The following ZNF532 variants were observed in gnomAD, a reference collection of about 807,000 sequenced individuals.
ZNF532 encodes zinc finger protein 532.
In ZNF532, 22 loss-of-function variants were observed where a neutral mutation model predicts 89.3. That is an observed-to-expected ratio of 0.25 (90% CI 0.18 to 0.35). The LOEUF (loss-of-function observed/expected upper bound fraction) is 0.35. Among genes scored for constraint, ZNF532 ranks in the 10% least tolerant of loss-of-function variants. The pLI is 1.00. For missense variants in ZNF532, 1,132 were observed against 1,643.4 expected, an observed-to-expected ratio of 0.69 and a Z score of 5.38; for synonymous variants, 606 against 649.6, an observed-to-expected ratio of 0.93 and a Z score of 1.02.
chr18:58,888,763 TA>T (rs2058559741), intron 2 of ZNF532, among the ~76,000 whole-genome samples: 1 of 67,448 alleles, frequency 1.5e-5, no homozygotes, highest in Non-Finnish European at 2.4e-5. Context: ...ATAAAATTAA[TA>T]TATATAATTT....
Position 58,919,239 on chromosome 18 carries a change from C to T in ZNF532, c.952C>T (p.Gln318Ter). 6.2e-7 allele frequency: 1 copy of T among 1,614,058 alleles called. No homozygotes were observed. The highest frequency in any genetic ancestry group is 8.5e-7 in the Non-Finnish European group (1 of 1,179,950). Residue 318 changes from glutamine (Q) to a stop codon, truncating the protein, a stop_gained, in exon 3 of 10, where the codon CAG (glutamine) becomes TAG (stop). Transcript: ENST00000591808. LOFTEE classifies it high-confidence loss of function. The surrounding 1 kb of genome is among the most constrained non-coding windows in gnomAD (Gnocchi z 6.1). ...AGCCGCTGACAAGTCTCCTGAATCCCAGAATCTCATCGACGGGACCAAAAA... is the reference window on the plus strand; with the variant it reads ...AGCCGCTGACAAGTCTCCTGAATCCTAGAATCTCATCGACGGGACCAAAAA... ...PRAADKSPES[Q>*]NLIDGTKKPS...
intron 2 of ZNF532, among the ~76,000 whole-genome samples, chr18:58,886,755 A>T (rs758209203): frequency 1.2e-4 from 19 of 152,236 alleles, no homozygotes; most frequent in Non-Finnish European, 1.6e-4. Context: ...TCTGTGGTTT[A>T]AAACATTGCC....
chr18:58,863,296 C>G (rs2056113345), upstream of ZNF532: 2 of 151,544 alleles, frequency 1.3e-5, no homozygotes, highest in Non-Finnish European at 2.9e-5. Flanking sequence ...AAGCCGCGAG[C>G]CAGCGGCCCC....
intron 2 of ZNF532, among the ~76,000 whole-genome samples, chr18:58,897,547 TATC>T (rs1462130594): frequency 1.3e-5 from 2 of 152,366 alleles, no homozygotes; most frequent in Admixed American, 1.3e-4. Flanking sequence ...TAGGATTAGT[TATC>T]ATGACAGATT....
chr18:58,962,298 G>C (rs1203357295), intron 7 of ZNF532, among the ~76,000 whole-genome samples: 1 of 152,148 alleles, frequency 6.6e-6, no homozygotes, highest in East Asian at 1.9e-4. Context: ...GAAACTACCA[G>C]TGGTAATCTA....
At position 58,953,562 on chromosome 18, in the gene ZNF532, G is replaced by C. The variant is rs780861698; in HGVS notation, c.2913G>C (p.Leu971Phe). The change falls in exon 7 of 10, where the codon TTG becomes TTC. Residue 971 changes from leucine to phenylalanine, a missense_variant. Physicochemically the swap from Leu to Phe is conservative, Grantham distance 22. Around this residue, in one of 9 missense-constraint regions of ZNF532, gnomAD observed 415 missense variants for 604.8 expected, o/e 0.69. Coordinates refer to ENST00000591808, the MANE Select transcript of ZNF532 (RefSeq NM_001375912.1). ...TLKSIEGPPN[L>F]GINLPLSIKP... ...AAAGTATTGAAGGGCCTCCAAACTT[G>C]GGTATAAACTTGCCTTTGAGCATTA... is the stretch of plus-strand genomic sequence containing the variant. The C allele has an allele frequency of 1.2e-6, 2 of 1,613,162 alleles. No homozygotes were observed. The highest frequency in any genetic ancestry group is 1.7e-4 in the Middle Eastern group (1 of 6,052).
At chr18:58,897,919 T>C (rs988900614) in intron 2 of ZNF532, among the ~76,000 whole-genome samples, 20 of 152,296 alleles carry the variant, frequency 1.3e-4, no homozygotes, top group Non-Finnish European at 7.3e-5. Flanking sequence ...GCTACTGCAC[T>C]CCACCCTGGG....
chr18:58,874,422 G>A (rs2057264852), intron 2 of ZNF532, among the ~76,000 whole-genome samples: 1 of 152,062 alleles, frequency 6.6e-6, no homozygotes, highest in Non-Finnish European at 1.5e-5. Flanking sequence ...TCGCCTCATC[G>A]CAACCCCTGC....
chr18:58,908,992 C>G (rs1245461421), intron 2 of ZNF532, among the ~76,000 whole-genome samples: 3 of 152,070 alleles, frequency 2.0e-5, no homozygotes. Context: ...TCGCTCTTGT[C>G]CCCCAGGCTG....
At chr18:58,872,718 G>C in intron 2 of ZNF532, among the ~76,000 whole-genome samples, 1 of 69,134 alleles carries the variant, frequency 1.4e-5, no homozygotes, top group East Asian at 2.8e-4. Flanking sequence ...TTTTTTTTTT[G>C]AGACCGAGTT....
At position 58,908,958 on chromosome 18, in the gene ZNF532, GA is replaced by G. The variant is rs2060110691; in HGVS notation, c.-17-9312del. Among the ~76,000 whole-genome samples, 3 of 152,170 alleles carry G rather than the reference GA, an allele frequency of 2.0e-5. No individual in the cohort carries two copies. In the South Asian group the frequency reaches 6.2e-4, roughly 32 times the overall value. On this transcript the variant is annotated intron_variant, in intron 2 of 9. Transcript: ENST00000591808. Reference sequence around the variant, plus strand: ...TATGGTTTGTGAAATGCTGCCTGAAGATGTTTTTTTTGGAGATGGAGTTTCG... The same window carrying G: ...TATGGTTTGTGAAATGCTGCCTGAAGTGTTTTTTTTGGAGATGGAGTTTCG...
intron 4 of ZNF532, among the ~76,000 whole-genome samples, chr18:58,936,498 C>T (rs1398618111): frequency 2.0e-5 from 3 of 152,182 alleles, no homozygotes; most frequent in Non-Finnish European, 4.4e-5. Flanking sequence ...TAAATTAAAA[C>T]AGAAGCTCCA....
At chr18:58,927,621 T>TTATA (rs1237221723) in intron 3 of ZNF532, among the ~76,000 whole-genome samples, 2 of 152,112 alleles carry the variant, frequency 1.3e-5, no homozygotes, top group Non-Finnish European at 2.9e-5. Context: ...TATGTTTGTT[T>TTATA]TATATATAAT....
At chr18:58,930,385 G>C (rs11873133) in intron 3 of ZNF532, among the ~76,000 whole-genome samples, 10,788 of 152,126 alleles carry the variant, frequency 0.071, 677 homozygotes, top group African/African-American at 0.17. Context: ...CTAGCACTTT[G>C]GGAGGCCAAA....
chr18:58,905,959 G>A (rs1342209712), intron 2 of ZNF532, among the ~76,000 whole-genome samples: 3 of 152,114 alleles, frequency 2.0e-5, no homozygotes, highest in Admixed American at 6.5e-5. Context: ...TTTGTCTGAT[G>A]TGTCTCCTGT....
intron 6 of ZNF532, among the ~76,000 whole-genome samples, chr18:58,951,656 T>TG (rs1555746606): frequency 7.4e-6 from 1 of 135,918 alleles, no homozygotes; most frequent in Admixed American, 7.4e-5. Context: ...GTTTTTTTTT[T>TG]TTTTTTTTTT....
intron 3 of ZNF532, among the ~76,000 whole-genome samples, chr18:58,930,176 C>T (rs2061832558): frequency 6.6e-6 from 1 of 152,164 alleles, no homozygotes; most frequent in South Asian, 2.1e-4. Context: ...AATTATTTTT[C>T]TTATTACTCA....
At chr18:58,941,109 T>A (rs2062983037) in intron 5 of ZNF532, among the ~76,000 whole-genome samples, 1 of 152,026 alleles carries the variant, frequency 6.6e-6, no homozygotes, top group Non-Finnish European at 1.5e-5. Context: ...GGACCTTCAT[T>A]CTGATCTTTG....
Position 58,911,465 on chromosome 18 carries a change from A to G in ZNF532, c.-17-6806A>G, listed in dbSNP as rs569323644. Among the ~76,000 whole-genome samples the G allele has an allele frequency of 7.9e-5, 12 of 152,288 alleles. No individual in the cohort carries two copies. The South Asian group carries it at 2.3e-3, about 29-fold the overall frequency. Reference sequence around the variant, plus strand: ...AGCCTTAGGCCAGGCAGGGTTGCTCAAGCCTTTAATCCCAGCACTTGGGAG... The same window carrying G: ...AGCCTTAGGCCAGGCAGGGTTGCTCGAGCCTTTAATCCCAGCACTTGGGAG... On this transcript the variant is annotated intron_variant, in intron 2 of 9. Transcript: ENST00000591808.
Sources: gnomAD v4.1 joint callset for allele counts (sites outside exome capture counted in the v4.1 genomes callset) on GRCh38, gnomAD v4.1.1 for gene constraint, gnomAD v4.1.1 regional missense constraint, Gnocchi (gnomAD v3.1) non-coding constraint, MANE v1.5 for transcripts, NCBI Gene and HGNC (gene_info 2026-07-23, HGNC 2026-07-21) for gene names.